The following RASD2 variants were observed in gnomAD, a reference collection of about 807,000 sequenced individuals.
The protein encoded by RASD2 is GTP-binding protein Rhes.
RASD2 carries 7 observed loss-of-function variants against 15.8 expected under a neutral mutation model. The observed-to-expected ratio is 0.44, with a 90% CI of 0.25 to 0.83. The LOEUF (loss-of-function observed/expected upper bound fraction) is 0.83, where lower values mean the gene tolerates loss of function less well. Ranked by LOEUF, RASD2 falls within the 40% of genes least tolerant of loss-of-function variation. The pLI is 0.20. For synonymous variants in RASD2, 155 were observed against 153.6 expected, an observed-to-expected ratio of 1.01 and a Z score of -0.07; for missense variants, 274 against 382.8, an observed-to-expected ratio of 0.72 and a Z score of 2.37.
intron 2 of RASD2, 115 bp downstream of exon 2, chr22:35,547,195 A>T: frequency 7.8e-7 from 1 of 1,288,020 alleles, no homozygotes; most frequent in African/African-American, 1.5e-5. Flanking sequence ...GACAGGCGTC[A>T]TCCCTGCACA....
intron 1 of RASD2, among the ~76,000 whole-genome samples, chr22:35,543,057 A>G (rs1934394631): frequency 6.6e-6 from 1 of 152,084 alleles, no homozygotes; most frequent in Non-Finnish European, 1.5e-5. Context: ...TTTGAAGCCA[A>G]ACAGCCTGGT....
chr22:35,551,957 T>A lies in RASD2; in HGVS notation c.726T>A (p.Ser242Arg). The A allele has an allele frequency of 6.2e-7, 1 of 1,604,928 alleles. No individual in the cohort carries two copies. Among genetic ancestry groups the A allele is most frequent in the Non-Finnish European group, 8.5e-7 (1 of 1,179,970 alleles). ...SPFARRPSVN[S>R]DLKYIKAKVL... is the part of the protein sequence containing the mutation. Reference sequence around the variant, plus strand: ...TCGCCCGCCGCCCCAGCGTCAACAGTGACCTCAAGTACATCAAGGCCAAGG... The same window carrying A: ...TCGCCCGCCGCCCCAGCGTCAACAGAGACCTCAAGTACATCAAGGCCAAGG... Residue 242 changes from serine to arginine, a missense_variant, in exon 3 of 3, where the codon AGT (serine) becomes AGA (arginine). Coordinates refer to ENST00000216127, the MANE Select transcript of RASD2 (RefSeq NM_014310.4). This position sits in a 1 kb window ranked among gnomAD's most constrained non-coding sequence, Gnocchi z 4.9.
Position 35,547,094 on chromosome 22 carries a change from G to A in RASD2, c.271+14G>A, listed in dbSNP as rs1160879356. 6.2e-7 allele frequency: 1 copy of A among 1,607,292 alleles called. No individual in the cohort carries two copies. Among genetic ancestry groups the A allele is most frequent in the Non-Finnish European group, 8.5e-7 (1 of 1,175,542 alleles). ...CCATCCTCACAGGTGAGGCCCACTG[G>A]TGCCTGGGCTGGGGCGGCAGGGCCA... On this transcript the variant is annotated intron_variant, in intron 2 of 2. Transcript: ENST00000216127.
At position 35,551,071 on chromosome 22, in the gene RASD2, G is replaced by A. The variant is rs1188765495; in HGVS notation, c.272-432G>A. ...GAGGTTTCGTGATCTGCCCAAGTCTGCTGGCAGCTAAGCGGATGAGGCCAG... is the reference window on the plus strand; with the variant it reads ...GAGGTTTCGTGATCTGCCCAAGTCTACTGGCAGCTAAGCGGATGAGGCCAG... On this transcript the variant is annotated intron_variant, in intron 2 of 2. Coordinates refer to ENST00000216127, the MANE Select transcript of RASD2 (RefSeq NM_014310.4). The surrounding 1 kb of genome is among the most constrained non-coding windows in gnomAD (Gnocchi z 4.9). 6.6e-6 allele frequency among the ~76,000 whole-genome samples: 1 copy of A among 152,242 alleles called. No homozygotes were observed. Among genetic ancestry groups the A allele is most frequent in the Non-Finnish European group, 1.5e-5 (1 of 68,042 alleles).
At chr22:35,540,776 G>C (rs1934323986), upstream of RASD2, 1 of 152,536 alleles carries the variant, frequency 6.6e-6, no homozygotes, top group Admixed American at 6.5e-5. Context: ...TGCTAACTTG[G>C]AGCTGCGAAA....
chr22:35,535,728 G>A, the RASD2 span, among the ~76,000 whole-genome samples: 4 of 152,352 alleles, frequency 2.6e-5, no homozygotes, highest in Middle Eastern at 0.01. Context: ...GGCAAGCTCA[G>A]GGAACTACAA....
At chr22:35,547,109 C>T (rs747142980) in intron 2 of RASD2, 29 bp downstream of exon 2, 19 of 1,598,138 alleles carry the variant, frequency 1.2e-5, no homozygotes, top group African/African-American at 6.7e-5. Context: ...TGGGCTGGGG[C>T]GGCAGGGCCA....
chr22:35,545,397 C>A (rs1934472611), intron 1 of RASD2, among the ~76,000 whole-genome samples: 1 of 152,156 alleles, frequency 6.6e-6, no homozygotes. Flanking sequence ...CACATACAGC[C>A]CTTTGTGTGA....
At chr22:35,547,259 C>G (rs554268677) in intron 2 of RASD2, among the ~76,000 whole-genome samples, 179 bp downstream of exon 2, 1 of 152,238 alleles carries the variant, frequency 6.6e-6, no homozygotes, top group African/African-American at 2.4e-5. Flanking sequence ...AAGTCGGGGG[C>G]CCCGATTCCA....
upstream of RASD2, among the ~76,000 whole-genome samples, chr22:35,538,655 C>T (rs534241326): frequency 1.2e-4 from 19 of 152,280 alleles, no homozygotes; most frequent in Middle Eastern, 3.4e-3. Context: ...CAGCTCCCCT[C>T]GCGACTGGGA....
At chr22:35,543,822 T>TATCTGTCACC in intron 1 of RASD2, among the ~76,000 whole-genome samples, 1 of 148,600 alleles carries the variant, frequency 6.7e-6, no homozygotes, top group East Asian at 2.0e-4. Flanking sequence ...TCTCTGACTC[T>TATCTGTCACC]TTGCCTCCTC....
At chr22:35,535,072 AC>A in the RASD2 span, among the ~76,000 whole-genome samples, 7 of 152,232 alleles carry the variant, frequency 4.6e-5, no homozygotes, top group East Asian at 1.4e-3. Context: ...TGCTTTTCAA[AC>A]CTATTTGGAT....
rs142073357 is a variant in RASD2, at chr22:35,546,227, C to T, written c.-9-574C>T. Among the ~76,000 whole-genome samples, 750 of 152,230 alleles carry T rather than the reference C, an allele frequency of 4.9e-3. 5 individuals are homozygous for T. The highest frequency in any genetic ancestry group is 0.02 in the Middle Eastern group (6 of 294). ...CCCCAGGCATTGGGCTTGGAGCATG[C>T]GGTGTGGACATAGCCTTCCCTTCTT... is the stretch of plus-strand genomic sequence containing the variant. On this transcript the variant is annotated intron_variant, in intron 1 of 2. Transcript: ENST00000216127.
chr22:35,546,935 C>G lies in RASD2; in HGVS notation c.126C>G (p.Gly42=). Residue 42 remains glycine, a synonymous_variant, in exon 2 of 3, where the codon GGC becomes GGG. Transcript: ENST00000216127. The stretch of plus-strand genomic sequence containing the variant: ...CCATCGTGTCTCGCTTCCTCAATGG[C>G]CGCTTTGAGGACCAGTACACACCCA... ...KSSIVSRFLN[G]RFEDQYTPTI... 6.2e-7 allele frequency: 1 copy of G among 1,613,876 alleles called. No homozygotes were observed. Among genetic ancestry groups the G allele is most frequent in the African/African-American group, 1.3e-5 (1 of 75,026 alleles).
At chr22:35,547,314 C>T (rs1934533592) in intron 2 of RASD2, among the ~76,000 whole-genome samples, 1 of 152,256 alleles carries the variant, frequency 6.6e-6, no homozygotes, top group Non-Finnish European at 1.5e-5. Context: ...TCGGGGCCGC[C>T]TTCCAGATCA....
chr22:35,537,833 C>T (rs1022007517), upstream of RASD2, among the ~76,000 whole-genome samples: 4 of 152,134 alleles, frequency 2.6e-5, no homozygotes, highest in Admixed American at 6.5e-5. Flanking sequence ...TTTAGAGACC[C>T]GGAAGTGATT....
intron 1 of RASD2, among the ~76,000 whole-genome samples, chr22:35,543,159 C>T (rs150930945): frequency 1.1e-4 from 16 of 152,300 alleles, no homozygotes; most frequent in Middle Eastern, 3.4e-3. Context: ...GTCAAGTGGG[C>T]TGATGGATGC....
chr22:35,546,652 G>A, intron 1 of RASD2, 149 bp from the exon 2 acceptor site: 2 of 1,020,448 alleles, frequency 2.0e-6, no homozygotes, highest in Non-Finnish European at 2.8e-6. Flanking sequence ...GAATGAGAGG[G>A]TAGAACTCCA....
chr22:35,545,930 C>T (rs113000468), intron 1 of RASD2, among the ~76,000 whole-genome samples: 10 of 152,056 alleles, frequency 6.6e-5, no homozygotes, highest in Admixed American at 4.6e-4. Context: ...GGATCCATGT[C>T]GGCCTCTTTC....
Sources: allele counts gnomAD v4.1 joint callset (sites outside exome capture counted in the v4.1 genomes callset), GRCh38; gene constraint gnomAD v4.1.1; non-coding constraint Gnocchi (gnomAD v3.1); transcripts MANE v1.5; gene names NCBI Gene and HGNC (gene_info 2026-07-23, HGNC 2026-07-21).